The following CTCF variants were observed in gnomAD, a reference collection of about 807,000 sequenced individuals.
CTCF encodes CCCTC-binding factor.
Under a neutral mutation model 72.3 loss-of-function variants are expected in CTCF, and 7 were observed. The ratio of observed to expected loss-of-function variants is 0.10; its 90% CI spans 0.06 to 0.18. The LOEUF (loss-of-function observed/expected upper bound fraction) is 0.18. CTCF is among the 10% of genes least tolerant of loss of function. CTCF has a pLI of 1.00. For missense variants in CTCF, 516 were observed against 949.1 expected (o/e 0.54, Z 6.00); for synonymous variants, 374 against 315.8 (o/e 1.18, Z -1.95).
chr16:67,616,513 G>T, intron 4 of CTCF: 1 of 487,446 alleles, frequency 2.1e-6, no homozygotes, highest in Admixed American at 3.5e-5. Flanking sequence ...GGATTCAGAT[G>T]GGTAATTAAG....
intron 4 of CTCF, among the ~76,000 whole-genome samples, chr16:67,612,806 G>A (rs1485491123): frequency 1.3e-5 from 2 of 151,762 alleles, no homozygotes; most frequent in South Asian, 2.1e-4. Context: ...GTGTGGTGGC[G>A]GGTGCCTGTA....
intron 2 of CTCF, among the ~76,000 whole-genome samples, chr16:67,586,889 G>C (rs1189050275): frequency 1.3e-5 from 2 of 151,898 alleles, no homozygotes; most frequent in Non-Finnish European, 2.9e-5. Flanking sequence ...TGGCTCCTGG[G>C]CGCCTGCAAT....
chr16:67,586,117 G>A (rs1385793601), intron 2 of CTCF, among the ~76,000 whole-genome samples: 3 of 152,142 alleles, frequency 2.0e-5, no homozygotes, highest in African/African-American at 7.2e-5. Context: ...GTAACATTTT[G>A]AGGCTGGGTG....
intron 10 of CTCF, among the ~76,000 whole-genome samples, chr16:67,633,473 G>C (rs1269894600): frequency 6.6e-6 from 1 of 152,164 alleles, no homozygotes; most frequent in African/African-American, 2.4e-5. Context: ...TTAGGGAGGA[G>C]AGCAAGAGGG....
chr16:67,574,214 G>A (rs1336552504), intron 2 of CTCF, among the ~76,000 whole-genome samples: 1 of 152,152 alleles, frequency 6.6e-6, no homozygotes, highest in Non-Finnish European at 1.5e-5. Flanking sequence ...CATTCCTTCA[G>A]AGCTTCTGAC....
chr16:67,565,427 C>A (rs1025896236), intron 1 of CTCF, among the ~76,000 whole-genome samples: 6 of 152,068 alleles, frequency 3.9e-5, no homozygotes, highest in Non-Finnish European at 5.9e-5. Flanking sequence ...GTAATCCCAG[C>A]ACTTTGGGTG....
intron 1 of CTCF, among the ~76,000 whole-genome samples, chr16:67,564,971 T>A (rs2051322928): frequency 1.3e-5 from 2 of 152,104 alleles, no homozygotes; most frequent in African/African-American, 4.8e-5. Flanking sequence ...GAGAATAAAT[T>A]GAGGATGAAT....
chr16:67,624,020 C>T lies in CTCF; in HGVS notation c.1357+2429C>T, dbSNP rs1010647901. Among the ~76,000 whole-genome samples the T allele has an allele frequency of 5.5e-5, 8 of 146,394 alleles. No homozygotes were observed. The Admixed American group carries it at 5.5e-4, about 10-fold the overall frequency. On this transcript the variant is annotated intron_variant, in intron 7 of 11. Transcript: ENST00000264010. ...CGGAGATCGCGCCACGGCACTCCAG[C>T]CTGGGCAAGAGAGTGAGACACTGTC...
At chr16:67,588,421 GT>G (rs1175315542) in intron 2 of CTCF, among the ~76,000 whole-genome samples, 1 of 152,122 alleles carries the variant, frequency 6.6e-6, no homozygotes, top group Non-Finnish European at 1.5e-5. Flanking sequence ...AGGGATATGG[GT>G]CTGCAGTGTG....
At chr16:67,566,636 G>A (rs2051346854) in intron 1 of CTCF, among the ~76,000 whole-genome samples, 1 of 151,598 alleles carries the variant, frequency 6.6e-6, no homozygotes, top group Non-Finnish European at 1.5e-5. Context: ...GAGTGCAGGG[G>A]CACGATCTCG....
At chr16:67,563,163 C>T (rs1380427259) in intron 1 of CTCF, 1 of 152,290 alleles carries the variant, frequency 6.6e-6, no homozygotes, top group African/African-American at 2.4e-5. Context: ...GCTTCGGCGC[C>T]CGCCTAGCTT....
At chr16:67,566,823 C>T (rs898994300) in intron 1 of CTCF, among the ~76,000 whole-genome samples, 3 of 152,010 alleles carry the variant, frequency 2.0e-5, no homozygotes, top group Admixed American at 6.6e-5. Flanking sequence ...TGCCCGCCTC[C>T]GCCTCTCAAA....
At chr16:67,597,507 T>G (rs1321452460) in intron 2 of CTCF, among the ~76,000 whole-genome samples, 1 of 152,062 alleles carries the variant, frequency 6.6e-6, no homozygotes, top group Non-Finnish European at 1.5e-5. Context: ...CACAGTTAAT[T>G]TCTGTATTTT....
At chr16:67,572,412 A>C (rs1008779251) in intron 2 of CTCF, 1 of 152,200 alleles carries the variant, frequency 6.6e-6, no homozygotes. Context: ...CACGTTAATC[A>C]CTTTCAAGTG....
At chr16:67,575,217 T>C (rs2142726243) in intron 2 of CTCF, among the ~76,000 whole-genome samples, 1 of 152,282 alleles carries the variant, frequency 6.6e-6, no homozygotes, top group East Asian at 1.9e-4. Flanking sequence ...CCACTGCATT[T>C]CATTCAGCCT....
chr16:67,575,626 A>G (rs910742281), intron 2 of CTCF, among the ~76,000 whole-genome samples: 13 of 152,162 alleles, frequency 8.5e-5, no homozygotes, highest in Middle Eastern at 3.4e-3. Context: ...TATTTTTAGT[A>G]GAGACGGGGT....
intron 2 of CTCF, among the ~76,000 whole-genome samples, chr16:67,582,490 T>G (rs2051597488): frequency 6.6e-6 from 1 of 152,038 alleles, no homozygotes; most frequent in Non-Finnish European, 1.5e-5. Context: ...TTCAGGAGTT[T>G]AAGACCAGCT....
intron 2 of CTCF, among the ~76,000 whole-genome samples, chr16:67,578,404 C>A (rs1209485007): frequency 7.1e-6 from 1 of 141,200 alleles, no homozygotes; most frequent in Non-Finnish European, 1.5e-5. Flanking sequence ...GTGATCTTGG[C>A]TCACTGCAAC....
intron 2 of CTCF, among the ~76,000 whole-genome samples, chr16:67,582,210 CAAAA>C (rs60181073): frequency 2.1e-5 from 2 of 96,094 alleles, no homozygotes; most frequent in Non-Finnish European, 2.3e-5. Flanking sequence ...GACTCCGTCT[CAAAA>C]AAAAAAAAAA....
Sources: allele counts gnomAD v4.1 joint callset (sites outside exome capture counted in the v4.1 genomes callset), GRCh38; gene constraint gnomAD v4.1.1; transcripts MANE v1.5; gene names NCBI Gene and HGNC (gene_info 2026-07-23, HGNC 2026-07-21).